Variants in NRG3 observed in about 807,000 individuals in gnomAD.
NRG3 encodes the protein neuregulin 3.
In NRG3, 31 loss-of-function variants were observed where a neutral mutation model predicts 66.9. That is an observed-to-expected ratio of 0.46 (90% CI 0.35 to 0.63). NRG3 has a LOEUF of 0.63. Ranked by LOEUF, NRG3 falls within the 20% of genes least tolerant of loss-of-function variation. The pLI is 0.00. For missense variants in NRG3, 910 were observed against 878.9 expected, an observed-to-expected ratio of 1.04 and a Z score of -0.45; for synonymous variants, 393 against 359.4, an observed-to-expected ratio of 1.09 and a Z score of -1.06.
intron 1 of NRG3, among the ~76,000 whole-genome samples, chr10:82,172,486 G>A (rs1253864113): frequency 6.6e-6 from 1 of 152,086 alleles, no homozygotes; most frequent in Non-Finnish European, 1.5e-5. Flanking sequence ...TTGGGAAGTG[G>A]CTTCATAAAC....
At chr10:82,824,823 C>T (rs967736845) in intron 3 of NRG3, among the ~76,000 whole-genome samples, 2 of 151,418 alleles carry the variant, frequency 1.3e-5, no homozygotes, top group African/African-American at 4.9e-5. Flanking sequence ...CTCAAGTCAT[C>T]CCCCCATTTC....
intron 3 of NRG3, among the ~76,000 whole-genome samples, chr10:82,740,060 C>T (rs2058346361): frequency 6.6e-6 from 1 of 151,498 alleles, no homozygotes. Flanking sequence ...TTCTTTCTCT[C>T]TTTTTTCTGT....
At chr10:82,012,705 A>G (rs117732231) in intron 1 of NRG3, among the ~76,000 whole-genome samples, 7,805 of 152,202 alleles carry the variant, frequency 0.051, 316 homozygotes, top group Admixed American at 0.1. Context: ...GATACCCTAA[A>G]TTATATCTTT....
At chr10:82,132,479 GATATATATATATGAT>G (rs1322328092) in intron 1 of NRG3, among the ~76,000 whole-genome samples, 2 of 62,486 alleles carry the variant, frequency 3.2e-5, no homozygotes, top group Admixed American at 2.0e-4. Context: ...ATATATATAT[GATATATATATATGAT>G]ATATATATAT....
chr10:82,322,980 T>C (rs1372212948), intron 1 of NRG3, among the ~76,000 whole-genome samples: 2 of 152,182 alleles, frequency 1.3e-5, no homozygotes, highest in East Asian at 1.9e-4. Flanking sequence ...CAGAGCCTTC[T>C]GATGAATACT....
chr10:82,972,619 C>T (rs902748891), intron 6 of NRG3, among the ~76,000 whole-genome samples: 6 of 152,124 alleles, frequency 3.9e-5, no homozygotes, highest in African/African-American at 1.4e-4. Context: ...TGGAATTTAT[C>T]TTTAGTTTTT....
chr10:82,876,215 C>A (rs1454848565), intron 4 of NRG3, among the ~76,000 whole-genome samples: 1 of 151,842 alleles, frequency 6.6e-6, no homozygotes, highest in Non-Finnish European at 1.5e-5. Context: ...ATAATATTTT[C>A]CGTAAAGTTG....
At chr10:82,899,163 A>G (rs562603521) in intron 4 of NRG3, among the ~76,000 whole-genome samples, 18 of 152,246 alleles carry the variant, frequency 1.2e-4, no homozygotes, top group African/African-American at 4.1e-4. Context: ...TCAAAGTCAT[A>G]GATAGCCATT....
chr10:82,337,890 A>G (rs750322971), intron 1 of NRG3, among the ~76,000 whole-genome samples: 3 of 152,216 alleles, frequency 2.0e-5, no homozygotes, highest in Non-Finnish European at 2.9e-5. Context: ...AATAATAAGT[A>G]ATATTTTAAT....
chr10:82,921,716 GA>G (rs1846438128), intron 4 of NRG3, among the ~76,000 whole-genome samples: 2 of 152,182 alleles, frequency 1.3e-5, no homozygotes, highest in South Asian at 2.1e-4. Flanking sequence ...AATTTTATAA[GA>G]AATAAATATG....
intron 4 of NRG3, among the ~76,000 whole-genome samples, chr10:82,921,145 C>A (rs976519162): frequency 6.6e-6 from 1 of 151,874 alleles, no homozygotes; most frequent in African/African-American, 2.4e-5. Flanking sequence ...AGTGATAAGT[C>A]ATATTGATAT....
chr10:82,055,660 T>C (rs1279086289), intron 1 of NRG3, among the ~76,000 whole-genome samples: 1 of 152,078 alleles, frequency 6.6e-6, no homozygotes, highest in Non-Finnish European at 1.5e-5. Flanking sequence ...GATAGGGTGA[T>C]AATTAGAATA....
At chr10:82,600,148 A>C (rs1303412588) in intron 2 of NRG3, among the ~76,000 whole-genome samples, 1 of 152,136 alleles carries the variant, frequency 6.6e-6, no homozygotes, top group Non-Finnish European at 1.5e-5. Context: ...TTCCCAGCAC[A>C]GATAGAGGGC....
At chr10:82,536,336 C>A (rs1233374548) in intron 2 of NRG3, among the ~76,000 whole-genome samples, 2 of 152,178 alleles carry the variant, frequency 1.3e-5, no homozygotes, top group Non-Finnish European at 2.9e-5. Context: ...AGAATCAAAT[C>A]ATTTTCCATT....
At chr10:82,811,898 T>C (rs532719196) in intron 3 of NRG3, among the ~76,000 whole-genome samples, 1 of 152,328 alleles carries the variant, frequency 6.6e-6, no homozygotes, top group Admixed American at 6.5e-5. Context: ...GATAGTTGAC[T>C]GAATAAACAT....
intron 2 of NRG3, among the ~76,000 whole-genome samples, chr10:82,463,829 G>A (rs1211004017): frequency 2.6e-5 from 4 of 152,174 alleles, no homozygotes; most frequent in African/African-American, 4.8e-5. Context: ...GATTGTAATC[G>A]AAAGCAGGTG....
chr10:82,526,322 AAAT>A (rs1175302543), intron 2 of NRG3, among the ~76,000 whole-genome samples: 1 of 151,810 alleles, frequency 6.6e-6, no homozygotes, highest in East Asian at 1.9e-4. Context: ...ATAGTGGATA[AAAT>A]AATAAGAAAA....
intron 1 of NRG3, among the ~76,000 whole-genome samples, chr10:82,257,165 CA>C (rs1198747965): frequency 6.6e-6 from 1 of 151,956 alleles, no homozygotes; most frequent in African/African-American, 2.4e-5. Context: ...ACCTGAATGC[CA>C]AAAAGTATTT....
intron 3 of NRG3, among the ~76,000 whole-genome samples, chr10:82,767,123 G>A (rs1316392792): frequency 6.6e-6 from 1 of 151,312 alleles, no homozygotes; most frequent in East Asian, 1.9e-4. Context: ...TTTCCTTTCA[G>A]TATAGCTTCT....
Sources: allele counts gnomAD v4.1 joint callset (sites outside exome capture counted in the v4.1 genomes callset), GRCh38; gene constraint gnomAD v4.1.1; transcripts MANE v1.5; gene names NCBI Gene and HGNC (gene_info 2026-07-23, HGNC 2026-07-21).